Variants in MYH7 observed in about 807,000 individuals in gnomAD.
MYH7 encodes myosin heavy chain 7, also known as myosin-7.
MYH7 carries 129 observed loss-of-function variants against 225.4 expected under a neutral mutation model. The ratio of observed to expected loss-of-function variants is 0.57; its 90% CI spans 0.50 to 0.66. The LOEUF (loss-of-function observed/expected upper bound fraction) is 0.66, where lower values mean the gene tolerates loss of function less well. Ranked by LOEUF, MYH7 falls within the 30% of genes least tolerant of loss-of-function variation. The pLI, the probability that MYH7 is intolerant of heterozygous loss-of-function variation, is 0.00. For synonymous variants in MYH7, 971 were observed against 1,007.6 expected (o/e 0.96, Z 0.69); for missense variants, 1,649 against 2,517.0 (o/e 0.66, Z 7.38).
Position 23,421,000 on chromosome 14 carries a change from C to G in MYH7, c.3294G>C (p.Gln1098His), listed in dbSNP as rs375323916. 18 of 1,612,704 alleles carry G rather than the reference C, an allele frequency of 1.1e-5. No homozygotes were observed. The highest frequency in any genetic ancestry group is 1.7e-5 in the Admixed American group (1 of 60,022). Residue 1098 changes from glutamine (Q) to histidine (H), a missense_variant, in exon 26 of 40, where the codon CAG becomes CAC. By Grantham distance (24) the Gln-to-His change is conservative. This residue lies in a region of MYH7 where 282 missense variants were observed against 315.3 expected (regional missense o/e 0.89). Transcript: ENST00000355349. ...TCTTCTGCAGCTGGCTGCCGAGGGC[C>G]TGTTCATCCTCAATCCTTGCGTTGA... is the stretch of plus-strand genomic sequence containing the variant. ...NALNARIEDE[Q>H]ALGSQLQKKL...
chr14:23,431,744 G>A lies in MYH7; in HGVS notation c.639+17C>T. 6.2e-7 allele frequency: 1 copy of A among 1,614,192 alleles called. No individual in the cohort carries two copies. The highest frequency in any genetic ancestry group is 8.5e-7 in the Non-Finnish European group (1 of 1,180,000). On this transcript the variant is annotated intron_variant, in intron 7 of 39. Transcript: ENST00000355349. ...TCCCTTTCTGCGGTACAGGACCTTGGAGGGCAGCAGGCCTACCTTGCCCGG... is the reference window on the plus strand; with the variant it reads ...TCCCTTTCTGCGGTACAGGACCTTGAAGGGCAGCAGGCCTACCTTGCCCGG...
Position 23,426,656 on chromosome 14 carries a change from TG to T in MYH7, c.2044+120del, listed in dbSNP as rs1005311965. On this transcript the variant is annotated intron_variant, in intron 18 of 39. Coordinates refer to ENST00000355349, the MANE Select transcript of MYH7 (RefSeq NM_000257.4). ...GTACCCTGGGAGGCCTCATGCGGGATGGGAGGAGAAGAATGTGGTTTGGAAA... is the reference window on the plus strand; with the variant it reads ...GTACCCTGGGAGGCCTCATGCGGGATGGAGGAGAAGAATGTGGTTTGGAAA... 24 of 891,174 alleles carry T rather than the reference TG, an allele frequency of 2.7e-5. No homozygotes were observed. In the African/African-American group the frequency reaches 3.6e-4, roughly 13 times the overall value. The allele number at this position is 891,174 out of a possible 1,614,324, so 55.2% of individuals were successfully genotyped here.
intron 22 of MYH7, 141 bp downstream of exon 22, chr14:23,424,628 T>C (rs1892618279): frequency 4.3e-6 from 6 of 1,391,140 alleles, no homozygotes; most frequent in Non-Finnish European, 5.9e-6. Context: ...AGGGACCTCT[T>C]TGGAGGTCTT....
At chr14:23,417,410 C>A in intron 31 of MYH7, 92 bp from the exon 32 acceptor site, 4 of 1,611,650 alleles carry the variant, frequency 2.5e-6, no homozygotes, top group Non-Finnish European at 3.4e-6. Context: ...AGCCCTCCTC[C>A]CCCACCTCCA....
At chr14:23,429,398 A>G (rs1277395898) in intron 12 of MYH7, 51 bp from the exon 13 acceptor site, 1 of 1,543,606 alleles carries the variant, frequency 6.5e-7, no homozygotes, top group African/African-American at 1.4e-5. Flanking sequence ...ACTGCTGGCC[A>G]GGTGTGGTGG....
intron 6 of MYH7, among the ~76,000 whole-genome samples, chr14:23,432,254 G>A (rs2138683394): frequency 6.6e-6 from 1 of 152,232 alleles, no homozygotes; most frequent in East Asian, 1.9e-4. Flanking sequence ...GAGTTGGAGA[G>A]TGGGTGAAGG....
rs1313895082 is a variant in MYH7, at chr14:23,418,200, C to T, written c.4169+10G>A. 5 of 1,613,356 alleles carry T rather than the reference C, an allele frequency of 3.1e-6. No homozygotes were observed. The highest frequency in any genetic ancestry group is 4.2e-6 in the Non-Finnish European group (5 of 1,180,026). Reference sequence around the variant, plus strand: ...GGCCTCAGCCAGAAGTCAGGCTGCTCAGAACTCACTTGGCCTCCTCGAGCT... The same window carrying T: ...GGCCTCAGCCAGAAGTCAGGCTGCTTAGAACTCACTTGGCCTCCTCGAGCT... On this transcript the variant is annotated intron_variant, in intron 30 of 39. Coordinates refer to ENST00000355349, the MANE Select transcript of MYH7 (RefSeq NM_000257.4).
At position 23,433,566 on chromosome 14, in the gene MYH7, C is replaced by G. The variant is rs727504870; in HGVS notation, c.167G>C (p.Gly56Ala). Residue 56 changes from glycine to alanine, a missense_variant, in exon 3 of 40, where the codon GGT becomes GCT. By Grantham distance (60) the Gly-to-Ala change is moderately conservative. Around this residue, in one of 12 missense-constraint regions of MYH7, gnomAD observed 91 missense variants for 96.5 expected, o/e 0.94. Transcript: ENST00000355349. The surrounding 1 kb of genome is among the most constrained non-coding windows in gnomAD (Gnocchi z 4.1). Reference sequence around the variant, plus strand: ...CTCGGTCTCGGCAGTGACTTTGCCACCCTCTCGAGACACGATCTTGGCCTT... The same window carrying G: ...CTCGGTCTCGGCAGTGACTTTGCCAGCCTCTCGAGACACGATCTTGGCCTT... Reference protein sequence around the residue: ...FVKAKIVSREGGKVTAETEYG... With the variant: ...FVKAKIVSREAGKVTAETEYG... 2.5e-6 allele frequency: 4 copies of G among 1,614,198 alleles called. No homozygotes were observed. The highest frequency in any genetic ancestry group is 3.4e-6 in the Non-Finnish European group (4 of 1,180,036).
chr14:23,424,914 C>T lies in MYH7; in HGVS notation c.2534G>A (p.Arg845Lys), dbSNP rs1595082612. 2 of 1,614,252 alleles carry T rather than the reference C, an allele frequency of 1.2e-6. No individual in the cohort carries two copies. Among genetic ancestry groups the T allele is most frequent in the Non-Finnish European group, 1.7e-6 (2 of 1,180,050 alleles). Residue 845 changes from arginine to lysine, a missense_variant, in exon 22 of 40, where the codon AGA becomes AAA. This residue lies in a region of MYH7 where 282 missense variants were observed against 315.3 expected (regional missense o/e 0.89). Transcript: ENST00000355349. Reference sequence around the variant, plus strand: ...CTTCATGGAGGCCATCTCCTTCTCTCTTTCTGCACTCTTCAGCAGCGGCTT... The same window carrying T: ...CTTCATGGAGGCCATCTCCTTCTCTTTTTCTGCACTCTTCAGCAGCGGCTT... ...KIKPLLKSAEREKEMASMKEE... is the reference protein window; with the variant it reads ...KIKPLLKSAEKEKEMASMKEE...
Position 23,417,901 on chromosome 14 carries a change from G to A in MYH7, c.4170-215C>T, listed in dbSNP as rs45618635. The A allele has an allele frequency of 4.3e-3, 3,752 of 881,718 alleles. 14 individuals are homozygous for A. The highest frequency in any genetic ancestry group is 5.0e-3 in the Non-Finnish European group (2,573 of 517,038). The allele number at this position is 881,718 out of a possible 1,614,324, so 54.6% of individuals were successfully genotyped here. A position where few individuals can be genotyped will look rare whatever the true frequency, so the allele number is the denominator to read the frequency against. ...CCTCTGACCCTGGCCCAGCCTCTGC[G>A]CTATGGACATTGAGGAGGTATGGGC... On this transcript the variant is annotated intron_variant, in intron 30 of 39. Coordinates refer to ENST00000355349, the MANE Select transcript of MYH7 (RefSeq NM_000257.4).
chr14:23,413,690 G>A (rs1199378211), intron 39 of MYH7, 69 bp downstream of exon 39: 21 of 1,605,594 alleles, frequency 1.3e-5, no homozygotes, highest in Non-Finnish European at 1.5e-5. Context: ...AGCATCCCGG[G>A]TTTGAGGGTG....
At chr14:23,427,144 C>T (rs1241545324) in intron 17 of MYH7, 96 bp downstream of exon 17, 25 of 888,710 alleles carry the variant, frequency 2.8e-5, no homozygotes, top group South Asian at 1.5e-4. Flanking sequence ...AGACAGGGAA[C>T]GGGAGGAGTA....
At chr14:23,418,522 AC>A in intron 29 of MYH7, 116 bp from the exon 30 acceptor site, 1 of 1,218,752 alleles carries the variant, frequency 8.2e-7, no homozygotes, top group Non-Finnish European at 1.1e-6. Context: ...CTATGTCCAA[AC>A]CCCCAGTGGA....
chr14:23,432,869 G>C, intron 4 of MYH7, 74 bp from the exon 5 acceptor site: 3 of 1,587,220 alleles, frequency 1.9e-6, no homozygotes, highest in Non-Finnish European at 2.6e-6. Context: ...GTTAGAGAAA[G>C]ATCCCAGGAG....
Position 23,422,188 on chromosome 14 carries a change from C to A in MYH7, c.3237G>T (p.Arg1079=), listed in dbSNP as rs1272236852. Reference sequence around the variant, plus strand: ...GGGAGGGGACACAGTACTTTTTCAGCCGCTCATCCAGCTGCTGCTTGTCAT... The same window carrying A: ...GGGAGGGGACACAGTACTTTTTCAGACGCTCATCCAGCTGCTGCTTGTCAT... ...LENDKQQLDE[R]LKKKDFELNA... is the part of the protein sequence containing the mutation. Residue 1079 remains arginine, a synonymous_variant, in exon 25 of 40, where the codon CGG becomes CGT. Transcript: ENST00000355349. 1 of 1,612,942 alleles carries A rather than the reference C, an allele frequency of 6.2e-7. No homozygotes were observed. Among genetic ancestry groups the A allele is most frequent in the Admixed American group, 1.7e-5 (1 of 60,018 alleles).
chr14:23,428,442 C>T, intron 15 of MYH7, 58 bp downstream of exon 15: 1 of 1,611,676 alleles, frequency 6.2e-7, no homozygotes, highest in South Asian at 1.1e-5. Context: ...GCTATTTTGT[C>T]TATGGTGTTC....
rs1372972912 is a variant in MYH7 at position 23,425,812 on chromosome 14, G to T, written c.2169C>A (p.Arg723=). 6.2e-7 allele frequency: 1 copy of T among 1,613,990 alleles called. No homozygotes were observed. The highest frequency in any genetic ancestry group is 8.5e-7 in the Non-Finnish European group (1 of 1,179,882). ...ILYGDFRQRY[R]ILNPAAIPEG... ...CAGGGATGGCCGCTGGGTTCAGGATGCGATACCTGAGGAGGGAAGTGTCCA... is the reference window on the plus strand; with the variant it reads ...CAGGGATGGCCGCTGGGTTCAGGATTCGATACCTGAGGAGGGAAGTGTCCA... The change falls in exon 20 of 40, where the codon CGC becomes CGA. Residue 723 remains arginine, a synonymous_variant. Transcript: ENST00000355349. This position sits in a 1 kb window ranked among gnomAD's most constrained non-coding sequence, Gnocchi z 4.6.
rs768534661 is a variant in MYH7 at position 23,414,073 on chromosome 14, C to T, written c.5589G>A (p.Arg1863=). ...GCAGCTTGTCTACCAGGTCCTGCAG[C>T]CGCAGCAGGTTTTTCCTGTCCTCCT... ...QTEEDRKNLL[R]LQDLVDKLQL... is the part of the protein sequence containing the mutation. Residue 1863 remains arginine, a synonymous_variant, in exon 38 of 40, where the codon CGG becomes CGA. Transcript: ENST00000355349. The T allele has an allele frequency of 3.7e-6, 6 of 1,613,806 alleles. No homozygotes were observed. In the Admixed American group the frequency reaches 1.0e-4, roughly 27 times the overall value.
chr14:23,431,736 G>A (rs760405049), intron 7 of MYH7, 25 bp downstream of exon 7: 7 of 1,614,166 alleles, frequency 4.3e-6, no homozygotes, highest in Non-Finnish European at 5.9e-6. Flanking sequence ...CTGCGGTACA[G>A]GACCTTGGAG....
Sources: gnomAD v4.1 joint callset for allele counts (sites outside exome capture counted in the v4.1 genomes callset) on GRCh38, gnomAD v4.1.1 for gene constraint, gnomAD v4.1.1 regional missense constraint, Gnocchi (gnomAD v3.1) non-coding constraint, MANE v1.5 for transcripts, NCBI Gene and HGNC (gene_info 2026-07-23, HGNC 2026-07-21) for gene names.